CNTN1: variants seen among roughly 807,000 people sequenced by gnomAD.
CNTN1 encodes the protein contactin 1.
In CNTN1, 38 loss-of-function variants were observed where a neutral mutation model predicts 126.4. The observed-to-expected ratio is 0.30, with a 90% CI of 0.23 to 0.39. The LOEUF is 0.39. CNTN1 is among the 10% of genes least tolerant of loss of function. The pLI, the probability that CNTN1 is intolerant of heterozygous loss-of-function variation, is 1.00. For synonymous variants in CNTN1, 413 were observed against 422.6 expected (o/e 0.98, Z 0.28); for missense variants, 1,009 against 1,248.4 (o/e 0.81, Z 2.89).
intron 1 of CNTN1, among the ~76,000 whole-genome samples, chr12:40,700,469 G>C (rs2121107123): frequency 1.3e-5 from 2 of 152,038 alleles, no homozygotes; most frequent in African/African-American, 4.8e-5. Flanking sequence ...GAGGTTGCAG[G>C]GAGCTGAGAT....
intron 19 of CNTN1, among the ~76,000 whole-genome samples, chr12:41,019,068 A>G (rs909296691): frequency 5.9e-5 from 9 of 152,216 alleles, no homozygotes; most frequent in Non-Finnish European, 1.0e-4. Context: ...AGGCAGGAGA[A>G]TCACTTGAAC....
chr12:41,065,312 C>G (rs540606797), intron 23 of CNTN1, among the ~76,000 whole-genome samples: 1 of 152,304 alleles, frequency 6.6e-6, no homozygotes, highest in South Asian at 2.1e-4. Context: ...GCCTGGGCCT[C>G]CCAAAGTGCT....
chr12:40,870,477 T>C (rs963016810), intron 1 of CNTN1, among the ~76,000 whole-genome samples: 1 of 152,172 alleles, frequency 6.6e-6, no homozygotes, highest in African/African-American at 2.4e-5. Flanking sequence ...CCATAATGTT[T>C]ATTTCAACTT....
At chr12:40,990,553 C>T (rs1047446480) in intron 16 of CNTN1, among the ~76,000 whole-genome samples, 2 of 152,164 alleles carry the variant, frequency 1.3e-5, no homozygotes, top group Non-Finnish European at 2.9e-5. Context: ...ACTTTTCTTG[C>T]CTTACCTACC....
intron 1 of CNTN1, 90 bp from the exon 2 acceptor site, chr12:40,908,267 C>T: frequency 5.3e-6 from 3 of 568,714 alleles, no homozygotes; most frequent in Admixed American, 3.4e-5. Flanking sequence ...ATTTCCTTCC[C>T]TTTCTTTCTT....
At chr12:40,806,860 T>A (rs931203669) in intron 1 of CNTN1, among the ~76,000 whole-genome samples, 3 of 152,152 alleles carry the variant, frequency 2.0e-5, no homozygotes, top group Middle Eastern at 3.2e-3. Context: ...ATGGGTTACA[T>A]GATTACCTTG....
chr12:40,776,901 C>G (rs1460117289), intron 1 of CNTN1, among the ~76,000 whole-genome samples: 1 of 151,628 alleles, frequency 6.6e-6, no homozygotes, highest in African/African-American at 2.4e-5. Flanking sequence ...TATATTTTCT[C>G]TGGCCACACT....
intron 21 of CNTN1, among the ~76,000 whole-genome samples, chr12:41,027,113 G>GA (rs942290452): frequency 1.1e-4 from 17 of 152,148 alleles, no homozygotes; most frequent in African/African-American, 4.1e-4. Context: ...TATTACATTT[G>GA]AAAAATGTAT....
chr12:40,805,455 T>C (rs1940814276), intron 1 of CNTN1, among the ~76,000 whole-genome samples: 2 of 152,058 alleles, frequency 1.3e-5, no homozygotes, highest in African/African-American at 2.4e-5. Flanking sequence ...GGTTGGTCTA[T>C]CAAAGAAATT....
chr12:40,822,549 G>A (rs568982717), intron 1 of CNTN1, among the ~76,000 whole-genome samples: 2 of 152,006 alleles, frequency 1.3e-5, no homozygotes, highest in South Asian at 4.2e-4. Context: ...GATACTTGTA[G>A]CTCTATTGTA....
intron 1 of CNTN1, among the ~76,000 whole-genome samples, chr12:40,887,899 C>A (rs1480458415): frequency 6.6e-6 from 1 of 151,530 alleles, no homozygotes; most frequent in Non-Finnish European, 1.5e-5. Flanking sequence ...TCATTCTCAG[C>A]AAACTATCGC....
intron 1 of CNTN1, among the ~76,000 whole-genome samples, chr12:40,866,373 T>A (rs149369490): frequency 1.1e-3 from 167 of 152,276 alleles, no homozygotes; most frequent in African/African-American, 3.8e-3. Flanking sequence ...GAAAGAGACA[T>A]CTTTGTCTTA....
intron 1 of CNTN1, among the ~76,000 whole-genome samples, chr12:40,858,194 C>T (rs1393785316): frequency 6.6e-6 from 1 of 152,070 alleles, no homozygotes; most frequent in Admixed American, 6.6e-5. Context: ...CTCACTGCAC[C>T]TTCATTTGGC....
chr12:40,972,691 A>G (rs1947556808), intron 15 of CNTN1: 1 of 961,754 alleles, frequency 1.0e-6, no homozygotes, highest in African/African-American at 1.8e-5. Context: ...GAGCTATCTT[A>G]GAACTTAGAC....
At chr12:40,703,026 T>TA (rs1555142295) in intron 1 of CNTN1, among the ~76,000 whole-genome samples, 3 of 120,420 alleles carry the variant, frequency 2.5e-5, no homozygotes, top group South Asian at 2.3e-4. Flanking sequence ...TATATATATA[T>TA]TTTTTACAGA....
intron 12 of CNTN1, 124 bp from the exon 13 acceptor site, chr12:40,943,473 G>A (rs1024848366): frequency 2.8e-6 from 2 of 709,462 alleles, no homozygotes; most frequent in Non-Finnish European, 4.7e-6. Flanking sequence ...TTACAAAAAT[G>A]TCTGTGGTCG....
chr12:40,730,637 A>G (rs571897699), intron 1 of CNTN1, among the ~76,000 whole-genome samples: 1 of 152,202 alleles, frequency 6.6e-6, no homozygotes, highest in Admixed American at 6.5e-5. Context: ...AGTCATTGTC[A>G]TTATTAGAGT....
intron 1 of CNTN1, among the ~76,000 whole-genome samples, chr12:40,815,780 G>A (rs1941236054): frequency 6.6e-6 from 1 of 152,170 alleles, no homozygotes; most frequent in African/African-American, 2.4e-5. Context: ...GACATTGTCT[G>A]TAGGTTTGTC....
At chr12:40,773,633 G>GTGTATATA (rs1555155525) in intron 1 of CNTN1, among the ~76,000 whole-genome samples, 70 of 46,604 alleles carry the variant, frequency 1.5e-3, no homozygotes, top group South Asian at 2.8e-3. Context: ...ACCAGAAACT[G>GTGTATATA]TATATATATA....
Sources: gnomAD v4.1 joint callset for allele counts (sites outside exome capture counted in the v4.1 genomes callset) on GRCh38, gnomAD v4.1.1 for gene constraint, MANE v1.5 for transcripts, NCBI Gene and HGNC (gene_info 2026-07-23, HGNC 2026-07-21) for gene names.